Variants in PTPRN2 observed in about 807,000 individuals in gnomAD.
The protein encoded by PTPRN2 is protein tyrosine phosphatase receptor type N2, also known as receptor-type tyrosine-protein phosphatase N2.
PTPRN2 carries 74 observed loss-of-function variants against 118.8 expected under a neutral mutation model. The ratio of observed to expected loss-of-function variants is 0.62; its 90% CI spans 0.52 to 0.76. PTPRN2 has a LOEUF of 0.76. Among genes scored for constraint, PTPRN2 ranks in the 30% least tolerant of loss-of-function variants. The pLI, the probability that PTPRN2 is intolerant of heterozygous loss-of-function variation, is 0.00. For missense variants in PTPRN2, 1,481 were observed against 1,394.4 expected (o/e 1.06, Z -0.99); for synonymous variants, 641 against 608.0 (o/e 1.05, Z -0.80).
chr7:158,459,782 C>A (rs1291206033), intron 2 of PTPRN2, among the ~76,000 whole-genome samples: 1 of 151,888 alleles, frequency 6.6e-6, no homozygotes, highest in African/African-American at 2.4e-5. Flanking sequence ...GGGGCCCTAT[C>A]TACATGCTCC....
chr7:157,546,370 A>T (rs1798322359), intron 22 of PTPRN2, among the ~76,000 whole-genome samples: 1 of 152,202 alleles, frequency 6.6e-6, no homozygotes. Flanking sequence ...CGCACCCATG[A>T]ATCCATCACC....
At chr7:157,911,835 C>T (rs181823175) in intron 11 of PTPRN2, among the ~76,000 whole-genome samples, 313 of 136,646 alleles carry the variant, frequency 2.3e-3, no homozygotes, top group African/African-American at 6.8e-3. Context: ...TAATAACATA[C>T]ACGTTCTGTG....
In PTPRN2 at chr7:157,813,819, G is replaced by A. The variant is rs1018330807; in HGVS notation, c.1788+84854C>T. ...ACCCTGAGTCAGAATGGCCTGGAGCGCGGGTAAAACAGCTCGGGGCCAGCC... is the reference window on the plus strand; with the variant it reads ...ACCCTGAGTCAGAATGGCCTGGAGCACGGGTAAAACAGCTCGGGGCCAGCC... On this transcript the variant is annotated intron_variant, in intron 12 of 22. Transcript: ENST00000389418. The surrounding 1 kb of genome is among the most constrained non-coding windows in gnomAD (Gnocchi z 4.7). Among the ~76,000 whole-genome samples, 12 of 152,246 alleles carry A rather than the reference G, an allele frequency of 7.9e-5. No homozygotes were observed. Among genetic ancestry groups the A allele is most frequent in the East Asian group, 1.9e-4 (1 of 5,198 alleles).
rs372472655 is a variant in PTPRN2, at chr7:157,597,757, G to A, written c.2419-2442C>T. ...GGAGGGGGATGGCTGAACAGGAAGT[G>A]TGGGCTGTGCAGACTGAGTGGGGAC... On this transcript the variant is annotated intron_variant, in intron 16 of 22. Coordinates refer to ENST00000389418, the MANE Select transcript of PTPRN2 (RefSeq NM_002847.5). 4.6e-5 allele frequency among the ~76,000 whole-genome samples: 7 copies of A among 152,328 alleles called. No individual in the cohort carries two copies. The South Asian group carries it at 1.5e-3, about 32-fold the overall frequency.
At position 158,179,316 on chromosome 7, in the gene PTPRN2, G is replaced by A. The variant is rs555380293; in HGVS notation, c.550-12025C>T. Among the ~76,000 whole-genome samples the A allele has an allele frequency of 4.6e-5, 7 of 152,190 alleles. No homozygotes were observed. In the South Asian group the frequency reaches 1.0e-3, roughly 23 times the overall value. On this transcript the variant is annotated intron_variant, in intron 5 of 22. Transcript: ENST00000389418. The stretch of plus-strand genomic sequence containing the variant: ...ATTTGAATATCTTCTTTTAAGAAAT[G>A]TCTGTTCACGTCATTTGTCCACTTT...
In PTPRN2 at chr7:157,785,151, G is replaced by A. The variant is rs1362652705; in HGVS notation, c.1789-102214C>T. On this transcript the variant is annotated intron_variant, in intron 12 of 22. Transcript: ENST00000389418. The surrounding 1 kb of genome is among the most constrained non-coding windows in gnomAD (Gnocchi z 7.3). ...GAGAAGGCTGACCGAACACCGAGAA[G>A]CAGCCAGCACAGGCTCTCCACAGGG... 6.6e-6 allele frequency among the ~76,000 whole-genome samples: 1 copy of A among 152,144 alleles called. No individual in the cohort carries two copies. Among genetic ancestry groups the A allele is most frequent in the Admixed American group, 6.5e-5 (1 of 15,280 alleles).
chr7:158,017,637 G>A (rs753201252), intron 11 of PTPRN2, among the ~76,000 whole-genome samples: 2 of 152,170 alleles, frequency 1.3e-5, no homozygotes, highest in East Asian at 1.9e-4. Context: ...CTCAGCAGCC[G>A]AGAACAGGGC....
Position 157,775,865 on chromosome 7 carries a change from C to T in PTPRN2, c.1789-92928G>A, listed in dbSNP as rs111956472. Among the ~76,000 whole-genome samples the T allele has an allele frequency of 1.2e-4, 19 of 152,188 alleles. 1 individual carries two copies. The highest frequency in any genetic ancestry group is 4.6e-4 in the African/African-American group (19 of 41,512). On this transcript the variant is annotated intron_variant, in intron 12 of 22. Coordinates refer to ENST00000389418, the MANE Select transcript of PTPRN2 (RefSeq NM_002847.5). ...ACTGTGTTTCTTGAGTTGTTTGAGC[C>T]GTTTCTGTTCATGACCTACAGTAAC...
At chr7:158,020,875 C>T (rs1036121676) in intron 11 of PTPRN2, among the ~76,000 whole-genome samples, 11 of 152,154 alleles carry the variant, frequency 7.2e-5, no homozygotes, top group East Asian at 5.8e-4. Flanking sequence ...CTGGTCCTGC[C>T]GGAAGTGTGG....
At chr7:158,490,077 C>T (rs1279988099) in intron 1 of PTPRN2, among the ~76,000 whole-genome samples, 2 of 152,196 alleles carry the variant, frequency 1.3e-5, no homozygotes, top group African/African-American at 2.4e-5. Context: ...ACTCTCTGGC[C>T]GCGGGAGCAG....
intron 12 of PTPRN2, among the ~76,000 whole-genome samples, chr7:157,888,493 G>A (rs2151301268): frequency 1.3e-5 from 2 of 152,168 alleles, no homozygotes; most frequent in East Asian, 3.9e-4. Flanking sequence ...CCTGCTCCAG[G>A]GGCCCCGTCA....
chr7:157,612,226 G>A (rs1238027819), intron 15 of PTPRN2, among the ~76,000 whole-genome samples: 1 of 152,318 alleles, frequency 6.6e-6, no homozygotes, highest in African/African-American at 2.4e-5. Flanking sequence ...GACACACAGC[G>A]AGGCGTGGCT....
intron 2 of PTPRN2, among the ~76,000 whole-genome samples, chr7:158,429,003 G>C (rs1207335911): frequency 6.6e-6 from 1 of 152,200 alleles, no homozygotes; most frequent in Non-Finnish European, 1.5e-5. Context: ...TCAACCTGTG[G>C]GCACGTGGCG....
At chr7:158,097,974 G>A (rs116462600) in intron 10 of PTPRN2, among the ~76,000 whole-genome samples, 1,940 of 152,242 alleles carry the variant, frequency 0.013, 48 homozygotes, top group African/African-American at 0.044. Context: ...CCGCGTGGCC[G>A]TGTCTCCCGC....
chr7:157,872,766 T>C (rs1811186498), intron 12 of PTPRN2, among the ~76,000 whole-genome samples: 1 of 152,186 alleles, frequency 6.6e-6, no homozygotes, highest in Non-Finnish European at 1.5e-5. Context: ...CTCCTTGGAG[T>C]GTCCCCTCCC....
intron 2 of PTPRN2, among the ~76,000 whole-genome samples, chr7:158,374,028 C>T (rs756312558): frequency 1.3e-5 from 2 of 152,352 alleles, no homozygotes; most frequent in East Asian, 1.9e-4. Context: ...ACTGTTCCCA[C>T]GGTGGCAACA....
intron 6 of PTPRN2, among the ~76,000 whole-genome samples, chr7:158,156,654 A>G (rs1184534490): frequency 1.3e-5 from 2 of 152,224 alleles, no homozygotes; most frequent in Non-Finnish European, 2.9e-5. Context: ...ACTGCTGCAT[A>G]GAACGCCCTG....
intron 1 of PTPRN2, among the ~76,000 whole-genome samples, chr7:158,587,244 C>G (rs1829006561): frequency 7.9e-6 from 1 of 125,904 alleles, no homozygotes; most frequent in African/African-American, 3.1e-5. Flanking sequence ...TTGAGGCGCC[C>G]CTCCCCCCAC....
chr7:157,586,935 C>G (rs770860265), intron 17 of PTPRN2, among the ~76,000 whole-genome samples: 8 of 152,204 alleles, frequency 5.3e-5, no homozygotes, highest in Admixed American at 2.6e-4. Context: ...TCCCCTCCAC[C>G]GGGGCCAGGC....
Sources: gnomAD v4.1 joint callset for allele counts (sites outside exome capture counted in the v4.1 genomes callset) on GRCh38, gnomAD v4.1.1 for gene constraint, Gnocchi (gnomAD v3.1) non-coding constraint, MANE v1.5 for transcripts, NCBI Gene and HGNC (gene_info 2026-07-23, HGNC 2026-07-21) for gene names.